Variants in ATRNL1 observed in about 807,000 individuals in gnomAD.
The protein encoded by ATRNL1 is attractin like 1.
Under a neutral mutation model 182.7 loss-of-function variants are expected in ATRNL1, and 95 were observed. That is an observed-to-expected ratio of 0.52 (90% CI 0.44 to 0.62). The LOEUF is 0.62. Ranked by LOEUF, ATRNL1 falls within the 20% of genes least tolerant of loss-of-function variation. ATRNL1 has a pLI of 0.00. For synonymous variants in ATRNL1, 576 were observed against 568.3 expected (o/e 1.01, Z -0.19); for missense variants, 1,471 against 1,679.5 (o/e 0.88, Z 2.17).
chr10:115,171,337 TTTTCTC>T, intron 8 of ATRNL1, 45 bp downstream of exon 8: 3 of 1,471,962 alleles, frequency 2.0e-6, no homozygotes, highest in Non-Finnish European at 2.8e-6. Flanking sequence ...TTGGGAATGT[TTTTCTC>T]TTTAATAAAA....
intron 24 of ATRNL1, among the ~76,000 whole-genome samples, chr10:115,477,501 A>T (rs1388021728): frequency 6.6e-6 from 1 of 151,488 alleles, no homozygotes; most frequent in African/African-American, 2.4e-5. Context: ...AATGAGTCCA[A>T]CTGGCAAATT....
chr10:115,861,295 C>T (rs1354357739), intron 28 of ATRNL1, among the ~76,000 whole-genome samples: 7 of 152,150 alleles, frequency 4.6e-5, no homozygotes, highest in Admixed American at 2.0e-4. Flanking sequence ...CCCACCCAGG[C>T]GAGCTAAGGG....
chr10:115,674,693 C>T (rs553635410), intron 26 of ATRNL1, among the ~76,000 whole-genome samples: 2 of 152,136 alleles, frequency 1.3e-5, no homozygotes, highest in Admixed American at 1.3e-4. Flanking sequence ...AATTATTTAG[C>T]CTGGAATGCA....
At chr10:115,707,433 G>A (rs75900383) in intron 26 of ATRNL1, among the ~76,000 whole-genome samples, 4,068 of 151,630 alleles carry the variant, frequency 0.027, 161 homozygotes, top group African/African-American at 0.091. Context: ...GGGATGATTC[G>A]TACAGTGAGT....
intron 26 of ATRNL1, among the ~76,000 whole-genome samples, chr10:115,671,806 G>C (rs1172342058): frequency 6.6e-6 from 1 of 152,096 alleles, no homozygotes; most frequent in Non-Finnish European, 1.5e-5. Context: ...CTTATCCCAA[G>C]AAAGCGTCAC....
intron 27 of ATRNL1, among the ~76,000 whole-genome samples, chr10:115,798,830 CTTTT>C (rs66936998): frequency 9.1e-6 from 1 of 110,350 alleles, no homozygotes; most frequent in Non-Finnish European, 1.9e-5. Context: ...TTTCTTTTTT[CTTTT>C]TTTTTTTTTT....
rs1325055592 is a variant in ATRNL1, at chr10:115,171,239, T to G, written c.1295T>G (p.Phe432Cys). 6.2e-7 allele frequency: 1 copy of G among 1,609,640 alleles called. No homozygotes were observed. The highest frequency in any genetic ancestry group is 1.1e-5 in the South Asian group (1 of 90,624). ...AGAGATGTTGTCATGATCATAATAT[T>G]TGGATATTCTGCAATATATGGTTAT... is the stretch of plus-strand genomic sequence containing the variant. The part of the protein sequence containing the change: ...DSRDVVMIII[F>C]GYSAIYGYTS... Residue 432 changes from phenylalanine (F) to cysteine (C), a missense_variant, in exon 8 of 29, where the codon TTT becomes TGT. Phe to Cys is a radical substitution (Grantham distance 205). This residue lies in a region of ATRNL1 where 1,031 missense variants were observed against 1,156.0 expected (regional missense o/e 0.89). Coordinates refer to ENST00000355044, the MANE Select transcript of ATRNL1 (RefSeq NM_207303.4).
chr10:115,885,728 A>G (rs1381685573), intron 28 of ATRNL1, among the ~76,000 whole-genome samples: 5 of 152,204 alleles, frequency 3.3e-5, no homozygotes, highest in African/African-American at 1.2e-4. Context: ...CCTGCATTTT[A>G]GAAGCGGTAT....
At chr10:115,255,236 T>C (rs1474992141) in intron 10 of ATRNL1, among the ~76,000 whole-genome samples, 3 of 152,334 alleles carry the variant, frequency 2.0e-5, no homozygotes, top group South Asian at 2.1e-4. Flanking sequence ...AGTATGGCCA[T>C]TTTCACGATA....
chr10:115,150,950 C>A (rs1014072318), intron 5 of ATRNL1, among the ~76,000 whole-genome samples: 1 of 152,146 alleles, frequency 6.6e-6, no homozygotes, highest in South Asian at 2.1e-4. Context: ...CAATTCCCAC[C>A]TATGAGTGAG....
intron 28 of ATRNL1, among the ~76,000 whole-genome samples, chr10:115,864,092 CCA>C (rs1951377886): frequency 6.6e-6 from 1 of 151,992 alleles, no homozygotes; most frequent in Non-Finnish European, 1.5e-5. Context: ...AAACCTGTCT[CCA>C]CAAAAAATAC....
At chr10:115,871,469 TTGTGTGTG>T (rs59295682) in intron 28 of ATRNL1, among the ~76,000 whole-genome samples, 79,616 of 139,984 alleles carry the variant, frequency 0.57, 25,147 homozygotes, top group East Asian at 0.72. Context: ...GTCAGATTCT[TTGTGTGTG>T]TGTATATATA....
chr10:115,567,611 C>G (rs189551775), intron 26 of ATRNL1, among the ~76,000 whole-genome samples: 2 of 152,098 alleles, frequency 1.3e-5, no homozygotes, highest in East Asian at 3.9e-4. Context: ...TAGTTTTAGT[C>G]TTTTACTCCA....
chr10:115,339,287 C>T (rs527924779), intron 19 of ATRNL1, among the ~76,000 whole-genome samples: 4 of 152,058 alleles, frequency 2.6e-5, no homozygotes, highest in South Asian at 2.1e-4. Context: ...TGCATTGTAT[C>T]TGTAGACTGC....
intron 1 of ATRNL1, among the ~76,000 whole-genome samples, chr10:115,111,344 A>G (rs530951769): frequency 2.0e-5 from 3 of 152,362 alleles, no homozygotes; most frequent in African/African-American, 4.8e-5. Context: ...GTTGTAGTCC[A>G]TTTGTATTGC....
chr10:115,632,986 G>A (rs952936485), intron 26 of ATRNL1, among the ~76,000 whole-genome samples: 7 of 151,722 alleles, frequency 4.6e-5, no homozygotes, highest in African/African-American at 7.3e-5. Flanking sequence ...TCCGCCTCCC[G>A]GATTTAAATG....
chr10:115,334,061 T>C (rs565494643), intron 18 of ATRNL1, among the ~76,000 whole-genome samples: 8 of 152,334 alleles, frequency 5.3e-5, no homozygotes, highest in Middle Eastern at 3.4e-3. Context: ...AACCATGGCA[T>C]TGTAAAGAGG....
chr10:115,611,439 T>C (rs1857154212), intron 26 of ATRNL1, among the ~76,000 whole-genome samples: 1 of 152,110 alleles, frequency 6.6e-6, no homozygotes, highest in Non-Finnish European at 1.5e-5. Context: ...TGTAAATTGA[T>C]AGAATAGTTA....
intron 27 of ATRNL1, among the ~76,000 whole-genome samples, chr10:115,759,337 A>T (rs934005669): frequency 6.6e-6 from 1 of 152,114 alleles, no homozygotes; most frequent in Admixed American, 6.6e-5. Flanking sequence ...GACATTTCGC[A>T]CTGGTGATCC....
Sources: gnomAD v4.1 joint callset for allele counts (sites outside exome capture counted in the v4.1 genomes callset) on GRCh38, gnomAD v4.1.1 for gene constraint, gnomAD v4.1.1 regional missense constraint, MANE v1.5 for transcripts, NCBI Gene and HGNC (gene_info 2026-07-23, HGNC 2026-07-21) for gene names.